Variants in MYO1E observed in about 807,000 individuals in gnomAD.
MYO1E encodes the protein myosin IE, also known as unconventional myosin-Ie.
In MYO1E, 68 loss-of-function variants were observed where a neutral mutation model predicts 151.1. The ratio of observed to expected loss-of-function variants is 0.45; its 90% CI spans 0.37 to 0.55. MYO1E has a LOEUF of 0.55. Among genes scored for constraint, MYO1E ranks in the 20% least tolerant of loss-of-function variants. The pLI is 0.00. For missense variants in MYO1E, 1,363 were observed against 1,389.3 expected, an observed-to-expected ratio of 0.98 and a Z score of 0.30; for synonymous variants, 601 against 501.7, an observed-to-expected ratio of 1.20 and a Z score of -2.64.
At chr15:59,228,979 C>A (rs2080008512) in intron 6 of MYO1E, among the ~76,000 whole-genome samples, 2 of 152,300 alleles carry the variant, frequency 1.3e-5, no homozygotes, top group African/African-American at 4.8e-5. Flanking sequence ...CCAGCAGCAC[C>A]AGGCACAGAG....
intron 1 of MYO1E, among the ~76,000 whole-genome samples, chr15:59,291,866 G>T (rs949596452): frequency 3.3e-5 from 5 of 151,716 alleles, no homozygotes; most frequent in African/African-American, 1.2e-4. Flanking sequence ...AGACAACAAA[G>T]AAAAGTTGTT....
chr15:59,207,645 T>C (rs767853450), intron 14 of MYO1E: 28 of 1,614,086 alleles, frequency 1.7e-5, no homozygotes, highest in Non-Finnish European at 2.4e-5. Flanking sequence ...AAAGCTGCCA[T>C]GGATGGATCC....
intron 5 of MYO1E, 103 bp from the exon 6 acceptor site, chr15:59,231,894 A>T: frequency 8.1e-7 from 1 of 1,238,448 alleles, no homozygotes; most frequent in Non-Finnish European, 1.2e-6. Context: ...CATTAAGGTG[A>T]GGGGCCCCAC....
intron 22 of MYO1E, among the ~76,000 whole-genome samples, chr15:59,164,310 A>C (rs531465325): frequency 6.6e-6 from 1 of 152,304 alleles, no homozygotes; most frequent in African/African-American, 2.4e-5. Context: ...ACCAAAGACA[A>C]CCCTTTGAAG....
chr15:59,209,336 T>C (rs2079861864), intron 13 of MYO1E, among the ~76,000 whole-genome samples: 1 of 152,194 alleles, frequency 6.6e-6, no homozygotes, highest in Non-Finnish European at 1.5e-5. Context: ...CACTTACTAT[T>C]TTAATGGCTA....
chr15:59,362,473 G>A (rs1262649692), intron 1 of MYO1E, among the ~76,000 whole-genome samples: 1 of 152,132 alleles, frequency 6.6e-6, no homozygotes, highest in African/African-American at 2.4e-5. Context: ...TATTCTCAGA[G>A]GACTCAGGAC....
chr15:59,273,241 T>C (rs1482489349), intron 1 of MYO1E, among the ~76,000 whole-genome samples: 1 of 152,230 alleles, frequency 6.6e-6, no homozygotes, highest in Non-Finnish European at 1.5e-5. Context: ...GGGCGGCCTC[T>C]GAACACTCTG....
intron 17 of MYO1E, 84 bp from the exon 18 acceptor site, chr15:59,188,300 G>T: frequency 9.8e-7 from 1 of 1,022,764 alleles, no homozygotes; most frequent in South Asian, 1.3e-5. Context: ...CAAGCCCCCA[G>T]TTCCAAGCTG....
chr15:59,158,412 CT>C, intron 24 of MYO1E, 33 bp from the exon 25 acceptor site: 8 of 1,488,278 alleles, frequency 5.4e-6, no homozygotes, highest in Non-Finnish European at 7.3e-6. Context: ...AAAACCAGTG[CT>C]ACTGGTTGGT....
intron 1 of MYO1E, among the ~76,000 whole-genome samples, chr15:59,355,330 C>T (rs2080847144): frequency 6.6e-6 from 1 of 152,178 alleles, no homozygotes; most frequent in South Asian, 2.1e-4. Context: ...GTCTACAAGC[C>T]ACTGGCAATT....
chr15:59,253,663 G>T (rs1435330789), intron 4 of MYO1E, among the ~76,000 whole-genome samples: 1 of 151,904 alleles, frequency 6.6e-6, no homozygotes, highest in Non-Finnish European at 1.5e-5. Context: ...TTGTATTTTA[G>T]TAGAGATGGG....
chr15:59,322,755 AGTTT>A (rs1322264935), intron 1 of MYO1E, among the ~76,000 whole-genome samples: 18 of 152,182 alleles, frequency 1.2e-4, no homozygotes, highest in African/African-American at 3.1e-4. Flanking sequence ...ATGGGTTTTG[AGTTT>A]GTTTGTTTTT....
At chr15:59,142,965 A>G (rs1468143555) in intron 26 of MYO1E, among the ~76,000 whole-genome samples, 2 of 150,922 alleles carry the variant, frequency 1.3e-5, no homozygotes, top group Non-Finnish European at 2.9e-5. Context: ...GTTTTAAACT[A>G]GAGATCGTAA....
chr15:59,209,614 T>G lies in MYO1E; in HGVS notation c.1363-766A>C, dbSNP rs557472882. Reference sequence around the variant, plus strand: ...TCGCTTGAACCCGGGAGGTGGAGGTTACAGTGAGCCAAGATGGCGCCACTG... The same window carrying G: ...TCGCTTGAACCCGGGAGGTGGAGGTGACAGTGAGCCAAGATGGCGCCACTG... On this transcript the variant is annotated intron_variant, in intron 13 of 27. Transcript: ENST00000288235. 5.1e-4 allele frequency among the ~76,000 whole-genome samples: 78 copies of G among 151,768 alleles called. 1 individual carries two copies. Among genetic ancestry groups the G allele is most frequent in the Non-Finnish European group, 9.7e-4 (66 of 67,938 alleles).
intron 14 of MYO1E, 177 bp downstream of exon 14, chr15:59,208,504 C>A: frequency 1.4e-6 from 1 of 722,780 alleles, no homozygotes; most frequent in Non-Finnish European, 2.3e-6. Flanking sequence ...AATAAATGTA[C>A]ATACAAAAAA....
intron 3 of MYO1E, among the ~76,000 whole-genome samples, chr15:59,261,024 A>C (rs2080221495): frequency 6.6e-6 from 1 of 151,946 alleles, no homozygotes; most frequent in Admixed American, 6.6e-5. Context: ...GACTAGCCTG[A>C]CCAACATGGT....
chr15:59,166,195 C>T lies in MYO1E; in HGVS notation c.2481-2892G>A, dbSNP rs1280440712. Among the ~76,000 whole-genome samples the T allele has an allele frequency of 9.2e-5, 14 of 152,338 alleles. 1 individual carries two copies. Among genetic ancestry groups the T allele is most frequent in the Admixed American group, 9.1e-4 (14 of 15,310 alleles). On this transcript the variant is annotated intron_variant, in intron 22 of 27. Coordinates refer to ENST00000288235, the MANE Select transcript of MYO1E (RefSeq NM_004998.4). ...ATCCAGGCATTGGAGCTAGGCAGAC[C>T]ACCTTCACCCAGGCCAGGGTCTCAG...
chr15:59,176,668 C>G (rs2079627248), intron 19 of MYO1E, among the ~76,000 whole-genome samples: 1 of 152,044 alleles, frequency 6.6e-6, no homozygotes, highest in South Asian at 2.1e-4. Flanking sequence ...AACTGACTTG[C>G]CCAGTCTTGA....
chr15:59,152,801 G>A (rs1354307103), intron 26 of MYO1E, among the ~76,000 whole-genome samples: 1 of 152,108 alleles, frequency 6.6e-6, no homozygotes, highest in African/African-American at 2.4e-5. Flanking sequence ...ACACTACTCT[G>A]AACACTCCTG....
Sources: gnomAD v4.1 joint callset for allele counts (sites outside exome capture counted in the v4.1 genomes callset) on GRCh38, gnomAD v4.1.1 for gene constraint, MANE v1.5 for transcripts, NCBI Gene and HGNC (gene_info 2026-07-23, HGNC 2026-07-21) for gene names.